Variants in HCN1 observed in about 807,000 individuals in gnomAD.
HCN1 encodes hyperpolarization activated cyclic nucleotide gated potassium channel 1.
HCN1 carries 13 observed loss-of-function variants against 78.9 expected under a neutral mutation model. The observed-to-expected ratio is 0.16, with a 90% confidence interval of 0.11 to 0.26. The LOEUF (loss-of-function observed/expected upper bound fraction) is 0.26. HCN1 is among the 10% of genes least tolerant of loss of function. HCN1 has a pLI of 1.00. For missense variants in HCN1, 810 were observed against 1,154.3 expected, an observed-to-expected ratio of 0.70 and a Z score of 4.32; for synonymous variants, 552 against 455.5, an observed-to-expected ratio of 1.21 and a Z score of -2.70.
rs146519048 is a variant in HCN1, at chr5:45,333,748, T to G, written c.1377+19352A>C. ...CACCATTTATTGAAGAGACTATCTA[T>G]TCCCCAGTATATTTTCTTGACATCT... On this transcript the variant is annotated intron_variant, in intron 5 of 7. Transcript: ENST00000303230. 2.1e-3 allele frequency among the ~76,000 whole-genome samples: 317 copies of G among 151,960 alleles called. 2 individuals are homozygous for G. The highest frequency in any genetic ancestry group is 7.3e-3 in the African/African-American group (304 of 41,536).
At chr5:45,500,828 G>T (rs1742172787) in intron 2 of HCN1, among the ~76,000 whole-genome samples, 1 of 152,086 alleles carries the variant, frequency 6.6e-6, no homozygotes, top group African/African-American at 2.4e-5. Context: ...ATAATTTTCT[G>T]GAGGCTAACT....
intron 6 of HCN1, among the ~76,000 whole-genome samples, chr5:45,302,247 T>C (rs1745641731): frequency 6.6e-6 from 1 of 150,884 alleles, no homozygotes; most frequent in Non-Finnish European, 1.5e-5. Flanking sequence ...CTCATGGTGG[T>C]GAGGGAGTTC....
chr5:45,488,441 CAAT>C (rs1741813164), intron 2 of HCN1, among the ~76,000 whole-genome samples: 1 of 151,952 alleles, frequency 6.6e-6, no homozygotes, highest in South Asian at 2.1e-4. Context: ...CTCCATATCT[CAAT>C]AATTTATATC....
rs376064005 is a variant in HCN1, at chr5:45,453,833, G to A, written c.1011+8013C>T. Among the ~76,000 whole-genome samples the A allele has an allele frequency of 1.8e-4, 27 of 152,186 alleles. No individual in the cohort carries two copies. In the South Asian group the frequency reaches 5.2e-3, roughly 29 times the overall value. On this transcript the variant is annotated intron_variant, in intron 3 of 7. Transcript: ENST00000303230. Reference sequence around the variant, plus strand: ...GAATGTCTCAACAACATTTAGAATAGCAAGGATATAACGGAGAACTAAGTC... The same window carrying A: ...GAATGTCTCAACAACATTTAGAATAACAAGGATATAACGGAGAACTAAGTC...
intron 5 of HCN1, among the ~76,000 whole-genome samples, chr5:45,325,096 G>A (rs760813538): frequency 2.6e-5 from 4 of 151,618 alleles, no homozygotes; most frequent in Non-Finnish European, 5.9e-5. Context: ...TTACAAGGCC[G>A]TTGCCCCCAT....
chr5:45,316,150 T>C (rs553012949), intron 5 of HCN1, among the ~76,000 whole-genome samples: 1 of 152,282 alleles, frequency 6.6e-6, no homozygotes, highest in Non-Finnish European at 1.5e-5. Flanking sequence ...TGAACATCGA[T>C]GCAAAAATCT....
chr5:45,602,995 A>G (rs1380134718), intron 2 of HCN1, among the ~76,000 whole-genome samples: 1 of 152,156 alleles, frequency 6.6e-6, no homozygotes. Flanking sequence ...AAACAGTTAC[A>G]GTGGTTATAC....
chr5:45,541,458 T>A (rs1743106403), intron 2 of HCN1, among the ~76,000 whole-genome samples: 1 of 152,212 alleles, frequency 6.6e-6, no homozygotes, highest in Admixed American at 6.5e-5. Context: ...TCCTTAAAGA[T>A]GCCTTCTATG....
chr5:45,307,648 G>A (rs537934589), intron 5 of HCN1, among the ~76,000 whole-genome samples: 4 of 152,100 alleles, frequency 2.6e-5, no homozygotes, highest in Admixed American at 2.0e-4. Flanking sequence ...AGATGATCAA[G>A]GTAATCAAAA....
chr5:45,415,416 C>T (rs567733959), intron 3 of HCN1, among the ~76,000 whole-genome samples: 2 of 151,914 alleles, frequency 1.3e-5, no homozygotes, highest in African/African-American at 4.8e-5. Context: ...CATGATGTAT[C>T]CCCTGCATCT....
chr5:45,584,393 T>A (rs1046717679), intron 2 of HCN1, among the ~76,000 whole-genome samples: 3 of 152,208 alleles, frequency 2.0e-5, no homozygotes, highest in Non-Finnish European at 2.9e-5. Flanking sequence ...TAGATCTTCC[T>A]CCATCCTTTT....
intron 1 of HCN1, among the ~76,000 whole-genome samples, chr5:45,684,747 AG>A (rs1739770592): frequency 6.6e-6 from 1 of 152,152 alleles, no homozygotes; most frequent in African/African-American, 2.4e-5. Flanking sequence ...CTGTAATTCC[AG>A]TTACTCTGGA....
chr5:45,520,966 C>A (rs1742601945), intron 2 of HCN1, among the ~76,000 whole-genome samples: 1 of 151,560 alleles, frequency 6.6e-6, no homozygotes, highest in African/African-American at 2.4e-5. Context: ...ACGTCATATG[C>A]AAACCAGCTA....
At chr5:45,590,212 A>T (rs1744331354) in intron 2 of HCN1, among the ~76,000 whole-genome samples, 1 of 152,212 alleles carries the variant, frequency 6.6e-6, no homozygotes. Context: ...TTAAAAGTTC[A>T]TTCCATAAAA....
chr5:45,440,849 C>A (rs2112086050), intron 3 of HCN1, among the ~76,000 whole-genome samples: 1 of 152,268 alleles, frequency 6.6e-6, no homozygotes, highest in Admixed American at 6.5e-5. Context: ...CCTCATTTAG[C>A]TTTTCACTTT....
rs577339277 is a variant in HCN1, at chr5:45,357,616, T to C, written c.1231-4370A>G. Among the ~76,000 whole-genome samples, 95 of 152,220 alleles carry C rather than the reference T, an allele frequency of 6.2e-4. 1 individual carries two copies. Among genetic ancestry groups the C allele is most frequent in the Middle Eastern group, 3.4e-3 (1 of 294 alleles). On this transcript the variant is annotated intron_variant, in intron 4 of 7. Transcript: ENST00000303230. ...TAGGCCGCTTTTATTCTCCAAAATATGTGACATGTCTAAATGTGAATTCAA... is the reference window on the plus strand; with the variant it reads ...TAGGCCGCTTTTATTCTCCAAAATACGTGACATGTCTAAATGTGAATTCAA...
intron 3 of HCN1, among the ~76,000 whole-genome samples, chr5:45,421,186 C>T (rs1308035833): frequency 2.0e-5 from 3 of 152,088 alleles, no homozygotes; most frequent in African/African-American, 4.8e-5. Context: ...CCTCAGCTTC[C>T]TGAGTAGCTG....
chr5:45,549,588 C>G (rs1743314959), intron 2 of HCN1, among the ~76,000 whole-genome samples: 1 of 152,096 alleles, frequency 6.6e-6, no homozygotes, highest in Admixed American at 6.6e-5. Flanking sequence ...TAGGCATGGG[C>G]AAGTACTTCA....
chr5:45,482,313 A>G (rs1741671421), intron 2 of HCN1, among the ~76,000 whole-genome samples: 1 of 152,158 alleles, frequency 6.6e-6, no homozygotes, highest in Non-Finnish European at 1.5e-5. Context: ...AACTCACAAT[A>G]TCCACCTGTC....
Sources: gnomAD v4.1 joint callset for allele counts (sites outside exome capture counted in the v4.1 genomes callset) on GRCh38, gnomAD v4.1.1 for gene constraint, MANE v1.5 for transcripts, NCBI Gene and HGNC (gene_info 2026-07-23, HGNC 2026-07-21) for gene names.